The following PHLPP1 variants were observed in gnomAD, a reference collection of about 807,000 sequenced individuals.
PHLPP1 encodes the protein PH domain leucine-rich repeat-containing protein phosphatase 1.
In PHLPP1, 42 loss-of-function variants were observed where a neutral mutation model predicts 117.2. That is an observed-to-expected ratio of 0.36 (90% CI 0.28 to 0.46). The LOEUF (loss-of-function observed/expected upper bound fraction) is 0.46, where lower values mean the gene tolerates loss of function less well. Ranked by LOEUF, PHLPP1 falls within the 20% of genes least tolerant of loss-of-function variation. The pLI is 1.00. For missense variants in PHLPP1, 2,084 were observed against 2,241.9 expected, an observed-to-expected ratio of 0.93 and a Z score of 1.42; for synonymous variants, 1,042 against 970.7, an observed-to-expected ratio of 1.07 and a Z score of -1.37.
intron 1 of PHLPP1, among the ~76,000 whole-genome samples, chr18:62,817,136 G>A (rs1914302887): frequency 2.0e-5 from 3 of 152,088 alleles, no homozygotes; most frequent in South Asian, 2.1e-4. Flanking sequence ...AGAGATGGAC[G>A]TCTCACTGTG....
chr18:62,719,586 T>C (rs909186448), intron 1 of PHLPP1, among the ~76,000 whole-genome samples: 1 of 152,198 alleles, frequency 6.6e-6, no homozygotes, highest in Non-Finnish European at 1.5e-5. Context: ...GTAGTAGTTT[T>C]TTTCTGTAGG....
At chr18:62,911,333 G>A (rs1203951858) in intron 8 of PHLPP1, among the ~76,000 whole-genome samples, 1 of 58,732 alleles carries the variant, frequency 1.7e-5, no homozygotes, top group Non-Finnish European at 3.9e-5. Flanking sequence ...CTTCTGCACA[G>A]CAAAAGAAAC....
chr18:62,731,968 G>T (rs540618058), intron 1 of PHLPP1, among the ~76,000 whole-genome samples: 1 of 152,176 alleles, frequency 6.6e-6, no homozygotes, highest in Admixed American at 6.5e-5. Flanking sequence ...GCTAGCAGAG[G>T]TTGGTTCATG....
At chr18:62,742,022 T>G (rs536981792) in intron 1 of PHLPP1, among the ~76,000 whole-genome samples, 16 of 152,126 alleles carry the variant, frequency 1.1e-4, no homozygotes, top group Non-Finnish European at 2.2e-4. Context: ...GATATATGAA[T>G]TCTCTGTTAA....
rs1009383582 is a variant in PHLPP1, at chr18:62,903,155, C to G, written c.2636C>G (p.Ala879Gly). 1 of 1,608,306 alleles carries G rather than the reference C, an allele frequency of 6.2e-7. No individual in the cohort carries two copies. Among genetic ancestry groups the G allele is most frequent in the Non-Finnish European group, 8.5e-7 (1 of 1,175,738 alleles). The change falls in exon 7 of 17, where the codon GCC becomes GGC. Residue 879 changes from alanine to glycine, a missense_variant. This residue lies in a region of PHLPP1 where 1,365 missense variants were observed against 1,605.9 expected (regional missense o/e 0.85). Coordinates refer to ENST00000262719, the MANE Select transcript of PHLPP1 (RefSeq NM_194449.4). The stretch of plus-strand genomic sequence containing the variant: ...GGCTATTTCCTAAAAGCGCTCTATG[C>G]CTCTTCTAATGGTATGTATCATAGG... Reference protein sequence around the residue: ...ICGYFLKALYASSNELVQLDV... With the variant: ...ICGYFLKALYGSSNELVQLDV...
chr18:62,784,449 G>C (rs888957127), intron 1 of PHLPP1, among the ~76,000 whole-genome samples: 11 of 139,194 alleles, frequency 7.9e-5, no homozygotes, highest in Non-Finnish European at 1.4e-4. Flanking sequence ...TATAACTCAT[G>C]GTAGGTTTTG....
chr18:62,880,950 T>C (rs2144384012), intron 4 of PHLPP1, among the ~76,000 whole-genome samples: 1 of 152,372 alleles, frequency 6.6e-6, no homozygotes, highest in East Asian at 1.9e-4. Flanking sequence ...AGGCAGGAGC[T>C]GTGCCTTATT....
intron 12 of PHLPP1, among the ~76,000 whole-genome samples, chr18:62,947,988 G>T (rs965279118): frequency 2.6e-5 from 4 of 151,516 alleles, no homozygotes; most frequent in African/African-American, 9.7e-5. Flanking sequence ...TTGCGCCACT[G>T]CACTCCAGCC....
chr18:62,839,096 A>T (rs917165302), intron 3 of PHLPP1, 187 bp downstream of exon 3: 7 of 584,360 alleles, frequency 1.2e-5, no homozygotes, highest in Middle Eastern at 6.7e-4. Flanking sequence ...CTTTTTAAAA[A>T]TTGTTTTTTA....
chr18:62,939,036 G>C (rs1163341946), intron 10 of PHLPP1, among the ~76,000 whole-genome samples: 3 of 129,964 alleles, frequency 2.3e-5, no homozygotes, highest in Admixed American at 9.1e-5. Context: ...TGTTGCCCAG[G>C]TTAGAGCACA....
intron 16 of PHLPP1, among the ~76,000 whole-genome samples, chr18:62,977,820 T>C (rs1911234775): frequency 6.7e-6 from 1 of 149,016 alleles, no homozygotes; most frequent in African/African-American, 2.5e-5. Context: ...AGTCTCTTGC[T>C]ACCTCAGAGT....
chr18:62,828,991 G>C (rs1256739656), intron 1 of PHLPP1, among the ~76,000 whole-genome samples: 1 of 152,152 alleles, frequency 6.6e-6, no homozygotes, highest in Non-Finnish European at 1.5e-5. Context: ...AATCACAGTA[G>C]TTCTCCCATT....
intron 3 of PHLPP1, among the ~76,000 whole-genome samples, chr18:62,845,648 A>G (rs1313920018): frequency 6.6e-6 from 1 of 152,190 alleles, no homozygotes; most frequent in Non-Finnish European, 1.5e-5. Flanking sequence ...AATATGACTT[A>G]GACGTCTTTT....
chr18:62,763,530 G>A (rs1040652641), intron 1 of PHLPP1, among the ~76,000 whole-genome samples: 4 of 152,082 alleles, frequency 2.6e-5, no homozygotes, highest in African/African-American at 7.2e-5. Context: ...AACTGCTGTC[G>A]CTCATCGCAC....
chr18:62,744,294 C>T (rs1380566290), intron 1 of PHLPP1, among the ~76,000 whole-genome samples: 1 of 152,204 alleles, frequency 6.6e-6, no homozygotes, highest in Non-Finnish European at 1.5e-5. Context: ...GTCCCAGAGG[C>T]CTGCTGGGTT....
At chr18:62,793,805 A>G (rs1177406478) in intron 1 of PHLPP1, among the ~76,000 whole-genome samples, 1 of 152,112 alleles carries the variant, frequency 6.6e-6, no homozygotes, top group Admixed American at 6.6e-5. Flanking sequence ...CTGTGCCATG[A>G]TGGTAATTCC....
At chr18:62,928,544 C>A (rs1182886630) in intron 10 of PHLPP1, among the ~76,000 whole-genome samples, 1 of 152,090 alleles carries the variant, frequency 6.6e-6, no homozygotes, top group East Asian at 1.9e-4. Context: ...GAAACTGAAA[C>A]CTCGTACACT....
chr18:62,970,690 G>A (rs1302474599), intron 14 of PHLPP1, among the ~76,000 whole-genome samples: 3 of 152,080 alleles, frequency 2.0e-5, no homozygotes, highest in African/African-American at 7.2e-5. Context: ...ACTTGAACCC[G>A]GGAGGCAGAG....
At chr18:62,801,445 G>A (rs1013090113) in intron 1 of PHLPP1, among the ~76,000 whole-genome samples, 3 of 151,842 alleles carry the variant, frequency 2.0e-5, no homozygotes, top group African/African-American at 7.3e-5. Context: ...GATGCATCAA[G>A]CAGAAATTGT....
Sources: allele counts gnomAD v4.1 joint callset (sites outside exome capture counted in the v4.1 genomes callset), GRCh38; gene constraint gnomAD v4.1.1; regional missense constraint gnomAD v4.1.1; transcripts MANE v1.5; gene names NCBI Gene and HGNC (gene_info 2026-07-23, HGNC 2026-07-21).